The following TEX9 variants were observed in gnomAD, a reference collection of about 807,000 sequenced individuals.
The protein encoded by TEX9 is testis expressed 9.
TEX9 carries 74 observed loss-of-function variants against 59.6 expected under a neutral mutation model. That is an observed-to-expected ratio of 1.24 (90% CI 1.03 to 1.51). The LOEUF is 1.51. Among genes scored for constraint, TEX9 ranks in the 40% most tolerant of loss-of-function variants. TEX9 has a pLI of 0.00. For missense variants in TEX9, 522 were observed against 447.8 expected, an observed-to-expected ratio of 1.17 and a Z score of -1.49; for synonymous variants, 186 against 152.2, an observed-to-expected ratio of 1.22 and a Z score of -1.64.
At chr15:56,376,382 G>C (rs2047453983) in intron 3 of TEX9, among the ~76,000 whole-genome samples, 1 of 151,986 alleles carries the variant, frequency 6.6e-6, no homozygotes, top group Non-Finnish European at 1.5e-5. Context: ...AGTGTACTAG[G>C]GTTCCCTTTC....
Position 56,245,053 on chromosome 15 carries a change from T to A in TEX9, c.-107+775T>A, listed in dbSNP as rs1228837630. Among the ~76,000 whole-genome samples the A allele has an allele frequency of 2.0e-5, 3 of 152,148 alleles. No individual in the cohort carries two copies. The South Asian group carries it at 6.2e-4, about 32-fold the overall frequency. On this transcript the variant is annotated intron_variant, in intron 1 of 5. Transcript: ENST00000560827. ...CAGCTTTAACTTTTCTGATAGAGTG[T>A]CTATCAGGTTTCTACCTGTTAGATC...
chr15:56,306,257 C>CAAAAAAAAAAAAAAAAA (rs55882329), intron 1 of TEX9, among the ~76,000 whole-genome samples: 3 of 79,450 alleles, frequency 3.8e-5, no homozygotes, highest in Admixed American at 1.8e-4. Context: ...AGGTACATAG[C>CAAAAAAAAAAAAAAAAA]AAAAAAAAAA....
At chr15:56,259,756 A>G (rs919785390) in intron 1 of TEX9, among the ~76,000 whole-genome samples, 4 of 152,060 alleles carry the variant, frequency 2.6e-5, no homozygotes, top group Non-Finnish European at 5.9e-5. Flanking sequence ...AATCTCTAAT[A>G]CATTTCCACA....
intron 1 of TEX9, among the ~76,000 whole-genome samples, chr15:56,316,798 C>G (rs1182148030): frequency 5.3e-5 from 8 of 152,176 alleles, no homozygotes; most frequent in African/African-American, 7.2e-5. Flanking sequence ...TAGCAATCAG[C>G]GAGACTCCGT....
upstream of TEX9, among the ~76,000 whole-genome samples, chr15:56,364,420 T>C (rs376349831): frequency 1.1e-4 from 16 of 152,004 alleles, no homozygotes; most frequent in East Asian, 3.1e-3. Context: ...CCCAAAGTGC[T>C]TGGATTACAG....
intron 1 of TEX9, among the ~76,000 whole-genome samples, chr15:56,271,244 C>T (rs1348823412): frequency 6.6e-6 from 1 of 152,108 alleles, no homozygotes; most frequent in Non-Finnish European, 1.5e-5. Flanking sequence ...GAGCTTGGTT[C>T]CATTCTCCCC....
chr15:56,304,404 G>A (rs568256793), intron 1 of TEX9, among the ~76,000 whole-genome samples: 2 of 152,214 alleles, frequency 1.3e-5, no homozygotes, highest in African/African-American at 4.8e-5. Context: ...TTTTTATTTT[G>A]TTGAGGTATC....
intron 6 of TEX9, 105 bp downstream of exon 6, chr15:56,389,505 C>A (rs1163651239): frequency 1.0e-5 from 8 of 795,536 alleles, no homozygotes; most frequent in Non-Finnish European, 1.6e-5. Flanking sequence ...TCTTTTTACA[C>A]CCTAAACATT....
intron 1 of TEX9, among the ~76,000 whole-genome samples, chr15:56,346,919 T>C (rs1343023809): frequency 6.6e-6 from 1 of 152,184 alleles, no homozygotes; most frequent in Non-Finnish European, 1.5e-5. Context: ...GAAATTGTAT[T>C]TCTGTATACT....
At chr15:56,289,833 G>T (rs994319966) in intron 1 of TEX9, among the ~76,000 whole-genome samples, 1 of 152,178 alleles carries the variant, frequency 6.6e-6, no homozygotes, top group African/African-American at 2.4e-5. Context: ...AGGCACCCCT[G>T]CCACCTCATT....
chr15:56,426,601 A>G (rs1305147806), intron 10 of TEX9, among the ~76,000 whole-genome samples: 3 of 25,258 alleles, frequency 1.2e-4, no homozygotes, highest in African/African-American at 8.1e-4. Context: ...ATATATATAT[A>G]TATATATATA....
At chr15:56,337,401 A>C (rs2046276849) in intron 1 of TEX9, among the ~76,000 whole-genome samples, 1 of 152,196 alleles carries the variant, frequency 6.6e-6, no homozygotes, top group Non-Finnish European at 1.5e-5. Context: ...AGAGACTGTG[A>C]AAATAAGTAA....
chr15:56,410,390 TGA>T (rs1259848502), intron 9 of TEX9, among the ~76,000 whole-genome samples: 1 of 152,138 alleles, frequency 6.6e-6, no homozygotes, highest in Non-Finnish European at 1.5e-5. Context: ...TTAATAATCA[TGA>T]GAGAGTGGTA....
At chr15:56,456,053 A>G in the TEX9 span, among the ~76,000 whole-genome samples, 3 of 152,148 alleles carry the variant, frequency 2.0e-5, no homozygotes, top group Admixed American at 6.5e-5. Flanking sequence ...GAAATACTGT[A>G]GGAAATTTAT....
chr15:56,455,546 C>T, the TEX9 span, among the ~76,000 whole-genome samples: 1 of 152,130 alleles, frequency 6.6e-6, no homozygotes, highest in African/African-American at 2.4e-5. Context: ...AATGTAACAA[C>T]TATCGAAGTA....
At chr15:56,413,215 AAATAATTTAATTTATTTAATACTTAAAT>A (rs2049467037) in intron 10 of TEX9, among the ~76,000 whole-genome samples, 1 of 146,642 alleles carries the variant, frequency 6.8e-6, no homozygotes, top group Non-Finnish European at 1.5e-5. Context: ...TTTAATAATT[AAATAATTTAATTTATTTAATACTTAAAT>A]AATTTAATTT....
chr15:56,322,893 A>C (rs1347399244), intron 1 of TEX9, among the ~76,000 whole-genome samples: 2 of 152,166 alleles, frequency 1.3e-5, no homozygotes, highest in African/African-American at 4.8e-5. Context: ...TGCTAAGAGT[A>C]TAGTAGGAAG....
At chr15:56,398,947 C>A (rs1384765387) in intron 9 of TEX9, among the ~76,000 whole-genome samples, 2 of 152,164 alleles carry the variant, frequency 1.3e-5, no homozygotes, top group Non-Finnish European at 2.9e-5. Flanking sequence ...TCCTGGCTAA[C>A]ATGGTGAAAC....
intron 1 of TEX9, among the ~76,000 whole-genome samples, chr15:56,273,077 C>A (rs1335292544): frequency 6.6e-6 from 1 of 151,962 alleles, no homozygotes; most frequent in Non-Finnish European, 1.5e-5. Context: ...CTGCAGCCTC[C>A]TGAGTAACTG....
Sources: gnomAD v4.1 joint callset for allele counts (sites outside exome capture counted in the v4.1 genomes callset) on GRCh38, gnomAD v4.1.1 for gene constraint, MANE v1.5 for transcripts, NCBI Gene and HGNC (gene_info 2026-07-23, HGNC 2026-07-21) for gene names.